Variants in MEMO1 observed in about 807,000 individuals in gnomAD.
The protein encoded by MEMO1 is mediator of cell motility 1, also known as protein MEMO1.
MEMO1 carries 6 observed loss-of-function variants against 45.2 expected under a neutral mutation model. The ratio of observed to expected loss-of-function variants is 0.13; its 90% CI spans 0.07 to 0.26. MEMO1 has a LOEUF of 0.26. Among genes scored for constraint, MEMO1 ranks in the 10% least tolerant of loss-of-function variants. The pLI, the probability that MEMO1 is intolerant of heterozygous loss-of-function variation, is 1.00. For synonymous variants in MEMO1, 78 were observed against 124.3 expected, an observed-to-expected ratio of 0.63 and a Z score of 2.48; for missense variants, 184 against 370.5, an observed-to-expected ratio of 0.50 and a Z score of 4.13.
intron 3 of MEMO1, among the ~76,000 whole-genome samples, chr2:31,933,382 T>TATATATATATATATATAG (rs1664533088): frequency 1.5e-5 from 1 of 68,386 alleles, no homozygotes; most frequent in Non-Finnish European, 2.8e-5. Context: ...TATATATATA[T>TATATATATATATATATAG]AGAAAGGGGA....
intron 2 of MEMO1, among the ~76,000 whole-genome samples, chr2:32,007,525 G>A (rs929253711): frequency 1.3e-5 from 2 of 151,694 alleles, no homozygotes; most frequent in Non-Finnish European, 2.9e-5. Context: ...GTGTATATAT[G>A]TAATATTTAT....
chr2:31,888,232 T>C (rs1649597056), intron 7 of MEMO1, among the ~76,000 whole-genome samples: 1 of 152,066 alleles, frequency 6.6e-6, no homozygotes, highest in South Asian at 2.1e-4. Flanking sequence ...CCAGGCTAGA[T>C]TCAAGTAATC....
At chr2:31,925,475 CAAAAAAAAA>C (rs70964741) in intron 4 of MEMO1, among the ~76,000 whole-genome samples, 3 of 79,236 alleles carry the variant, frequency 3.8e-5, no homozygotes, top group Admixed American at 2.8e-4. Flanking sequence ...GACTCCGTCT[CAAAAAAAAA>C]AAAAAAAAAA....
At chr2:31,906,425 G>A (rs539293368) in intron 6 of MEMO1, among the ~76,000 whole-genome samples, 1 of 151,966 alleles carries the variant, frequency 6.6e-6, no homozygotes, top group African/African-American at 2.4e-5. Flanking sequence ...CCAAGTTCAA[G>A]CGATTCTCCT....
intron 2 of MEMO1, among the ~76,000 whole-genome samples, chr2:32,006,718 G>A (rs1466157782): frequency 6.6e-6 from 1 of 152,074 alleles, no homozygotes; most frequent in South Asian, 2.1e-4. Flanking sequence ...TGTAATCCCA[G>A]CACTTTGGGA....
At chr2:31,936,067 G>A (rs1664883985) in intron 3 of MEMO1, among the ~76,000 whole-genome samples, 4 of 151,980 alleles carry the variant, frequency 2.6e-5, no homozygotes, top group Non-Finnish European at 5.9e-5. Context: ...AGGTTCAAGC[G>A]ATTCTCCTGC....
At chr2:31,910,210 A>G (rs1263420829) in intron 6 of MEMO1, among the ~76,000 whole-genome samples, 1 of 152,166 alleles carries the variant, frequency 6.6e-6, no homozygotes, top group South Asian at 2.1e-4. Flanking sequence ...TCTAACAAAA[A>G]TTGAGGGAGT....
chr2:31,870,080 G>T, intron 8 of MEMO1, 128 bp from the exon 9 acceptor site: 1 of 738,812 alleles, frequency 1.4e-6, no homozygotes, highest in Non-Finnish European at 1.9e-6. Context: ...AAAGAAAACA[G>T]ATTAAATAAA....
At chr2:31,898,034 T>C (rs766545940) in intron 6 of MEMO1, among the ~76,000 whole-genome samples, 4 of 152,010 alleles carry the variant, frequency 2.6e-5, no homozygotes, top group Non-Finnish European at 4.4e-5. Flanking sequence ...TGTGGCAGTT[T>C]GTATTTCTGT....
At chr2:31,874,146 A>G (rs1325383306) in intron 8 of MEMO1, among the ~76,000 whole-genome samples, 1 of 152,160 alleles carries the variant, frequency 6.6e-6, no homozygotes, top group Non-Finnish European at 1.5e-5. Context: ...ATAATTTGCC[A>G]ATGTCCATAA....
At chr2:32,001,328 C>T (rs1673291984) in intron 2 of MEMO1, among the ~76,000 whole-genome samples, 1 of 151,432 alleles carries the variant, frequency 6.6e-6, no homozygotes, top group Non-Finnish European at 1.5e-5. Flanking sequence ...CTTGAGCCAT[C>T]GCACCCGGCA....
At chr2:31,894,982 A>C (rs1390928767) in intron 6 of MEMO1, among the ~76,000 whole-genome samples, 1 of 152,194 alleles carries the variant, frequency 6.6e-6, no homozygotes, top group Non-Finnish European at 1.5e-5. Context: ...CACTAAATTA[A>C]GGAATTGCAG....
intron 3 of MEMO1, among the ~76,000 whole-genome samples, chr2:31,934,043 T>C (rs1360398026): frequency 6.6e-6 from 1 of 152,194 alleles, no homozygotes; most frequent in Non-Finnish European, 1.5e-5. Context: ...AGTTTATAAG[T>C]ACGCCATCTT....
chr2:31,943,275 AC>A, intron 3 of MEMO1, 26 bp downstream of exon 3: 2 of 1,576,520 alleles, frequency 1.3e-6, no homozygotes, highest in Non-Finnish European at 1.7e-6. Flanking sequence ...AAAAAACAAA[AC>A]AAAAACAAAA....
At chr2:32,003,025 A>C (rs1673603056) in intron 2 of MEMO1, among the ~76,000 whole-genome samples, 2 of 152,142 alleles carry the variant, frequency 1.3e-5, no homozygotes, top group South Asian at 4.1e-4. Context: ...TTCGAAACTA[A>C]ATTTTATTAT....
At chr2:31,925,135 T>C (rs1682887291) in intron 4 of MEMO1, among the ~76,000 whole-genome samples, 1 of 152,100 alleles carries the variant, frequency 6.6e-6, no homozygotes. Flanking sequence ...TACTTCAAAC[T>C]TTTCACCCAT....
chr2:31,870,126 T>C (rs539215653), intron 8 of MEMO1, among the ~76,000 whole-genome samples, 174 bp from the exon 9 acceptor site: 49 of 152,268 alleles, frequency 3.2e-4, no homozygotes, highest in African/African-American at 1.2e-3. Flanking sequence ...TCAAAGCTAT[T>C]ACCACCATTA....
Position 31,943,264 on chromosome 2 carries a change from C to CA in MEMO1, c.143+37dup, listed in dbSNP as rs530185794. 151 of 1,532,914 alleles carry CA rather than the reference C, an allele frequency of 9.9e-5. 1 individual carries two copies. The East Asian group carries it at 1.6e-3, about 16-fold the overall frequency. The allele number at this position is 1,532,914 out of a possible 1,614,324, so 95.0% of individuals were successfully genotyped here. A position where few individuals can be genotyped will look rare whatever the true frequency, so the allele number is the denominator to read the frequency against. ...TGGGCGACACAGGGAGACTCCTTCT[C>CA]AAAAAACAAAACAAAAACAAAAACA... On this transcript the variant is annotated intron_variant, in intron 3 of 9. Coordinates refer to ENST00000404530, the MANE Select transcript of MEMO1 (RefSeq NM_001301833.4).
At chr2:31,966,732 C>CAAAAAAAAAAAAAAAAAAAAAAAAAAA (rs758359349) in intron 2 of MEMO1, among the ~76,000 whole-genome samples, 2 of 117,840 alleles carry the variant, frequency 1.7e-5, no homozygotes, top group Non-Finnish European at 1.8e-5. Flanking sequence ...GACTCTGTCT[C>CAAAAAAAAAAAAAAAAAAAAAAAAAAA]AAAAAAAAAA....
Sources: gnomAD v4.1 joint callset for allele counts (sites outside exome capture counted in the v4.1 genomes callset) on GRCh38, gnomAD v4.1.1 for gene constraint, MANE v1.5 for transcripts, NCBI Gene and HGNC (gene_info 2026-07-23, HGNC 2026-07-21) for gene names.